The following RHOA variants were observed in gnomAD, a reference collection of about 807,000 sequenced individuals.
RHOA encodes transforming protein RhoA.
Under a neutral mutation model 17.5 loss-of-function variants are expected in RHOA, and 3 were observed. The observed-to-expected ratio is 0.17, with a 90% CI of 0.08 to 0.44. RHOA has a LOEUF of 0.44. RHOA is among the 20% of genes least tolerant of loss of function. RHOA has a pLI of 0.99. For missense variants in RHOA, 56 were observed against 242.3 expected (o/e 0.23, Z 5.10); for synonymous variants, 98 against 88.4 (o/e 1.11, Z -0.61).
chr3:49,408,834 C>T (rs946701350), intron 1 of RHOA, among the ~76,000 whole-genome samples: 7 of 151,442 alleles, frequency 4.6e-5, no homozygotes, highest in African/African-American at 1.5e-4. Context: ...GCTCTGTTGC[C>T]CTGGCTGGAG....
chr3:49,371,390 C>T (rs2048145645), intron 2 of RHOA, among the ~76,000 whole-genome samples: 1 of 151,952 alleles, frequency 6.6e-6, no homozygotes, highest in Admixed American at 6.6e-5. Context: ...AGTGATTCTC[C>T]TGCCTCAGCC....
chr3:49,404,363 G>A (rs2048777103), intron 1 of RHOA, among the ~76,000 whole-genome samples: 1 of 149,104 alleles, frequency 6.7e-6, no homozygotes, highest in Admixed American at 6.8e-5. Context: ...GGGAAGCCAA[G>A]GCAGGTGGAT....
At chr3:49,366,618 A>G (rs1445858899) in intron 3 of RHOA, 1 of 152,092 alleles carries the variant, frequency 6.6e-6, no homozygotes, top group African/African-American at 2.4e-5. Flanking sequence ...CAATCAATCA[A>G]TCATAACTGC....
intron 1 of RHOA, among the ~76,000 whole-genome samples, chr3:49,393,368 G>A (rs988926212): frequency 4.0e-5 from 6 of 151,692 alleles, no homozygotes; most frequent in East Asian, 3.9e-4. Flanking sequence ...GTGCAGTGAC[G>A]TAATTATGGC....
chr3:49,381,138 C>T (rs985617928), intron 1 of RHOA, among the ~76,000 whole-genome samples: 1 of 151,998 alleles, frequency 6.6e-6, no homozygotes, highest in Non-Finnish European at 1.5e-5. Context: ...GGAGTAATGG[C>T]TCATGCCTGT....
chr3:49,368,704 TTTC>T (rs2048098644), intron 2 of RHOA, among the ~76,000 whole-genome samples, 156 bp from the exon 3 acceptor site: 3 of 150,696 alleles, frequency 2.0e-5, no homozygotes, highest in Middle Eastern at 3.2e-3. Flanking sequence ...TTTTTTCTTT[TTTC>T]TTTTTTTTTT....
intron 1 of RHOA, among the ~76,000 whole-genome samples, chr3:49,379,981 C>T (rs554648179): frequency 1.8e-4 from 27 of 152,338 alleles, no homozygotes; most frequent in African/African-American, 5.8e-4. Flanking sequence ...TCCCAATTCC[C>T]GCCCTTCCCT....
At chr3:49,410,950 C>G (rs2048922840) in intron 1 of RHOA, among the ~76,000 whole-genome samples, 1 of 152,202 alleles carries the variant, frequency 6.6e-6, no homozygotes, top group Non-Finnish European at 1.5e-5. Flanking sequence ...CCGTAAACTA[C>G]TAAACAAGGT....
intron 1 of RHOA, among the ~76,000 whole-genome samples, chr3:49,392,097 G>C (rs1376611152): frequency 2.0e-5 from 3 of 151,916 alleles, no homozygotes; most frequent in Middle Eastern, 6.8e-3. Context: ...CAAAGTGCTG[G>C]GATTACAGGC....
rs531246506 is a variant in RHOA, at chr3:49,359,770, C to G, written c.*439G>C. Reference sequence around the variant, plus strand: ...GAGCCCATTTTCAAAAAACTGCCCACCCCAGAGCTATGCCAACAAAATCTG... The same window carrying G: ...GAGCCCATTTTCAAAAAACTGCCCAGCCCAGAGCTATGCCAACAAAATCTG... On this transcript the variant is annotated 3_prime_UTR_variant, in exon 5 of 5. Transcript: ENST00000418115. 1 of 233,450 alleles carries G rather than the reference C, an allele frequency of 4.3e-6. No homozygotes were observed. The highest frequency in any genetic ancestry group is 2.2e-5 in the African/African-American group (1 of 45,146). 14.5% of individuals were successfully genotyped at this position (233,450 alleles called of 1,614,324 possible).
intron 1 of RHOA, among the ~76,000 whole-genome samples, chr3:49,399,959 G>T (rs1399580534): frequency 2.0e-5 from 3 of 151,954 alleles, no homozygotes; most frequent in African/African-American, 4.8e-5. Context: ...GGTGGCTCAC[G>T]CCTGTAATCC....
At chr3:49,387,681 T>C (rs904685455) in intron 1 of RHOA, among the ~76,000 whole-genome samples, 1 of 149,320 alleles carries the variant, frequency 6.7e-6, no homozygotes, top group Non-Finnish European at 1.5e-5. Flanking sequence ...GGAGCAGAGG[T>C]TGCAGTGAGA....
intron 1 of RHOA, among the ~76,000 whole-genome samples, chr3:49,386,352 G>A (rs1245733518): frequency 6.6e-6 from 1 of 152,098 alleles, no homozygotes; most frequent in Non-Finnish European, 1.5e-5. Context: ...TGTAGAAGAG[G>A]AAAAATATAA....
intron 1 of RHOA, among the ~76,000 whole-genome samples, chr3:49,410,838 CAG>C: frequency 6.6e-6 from 1 of 152,268 alleles, no homozygotes; most frequent in East Asian, 1.9e-4. Context: ...TTCTTCAAGA[CAG>C]AACCAAACAA....
In RHOA at chr3:49,399,590, T is replaced by C. The variant is rs532516051; in HGVS notation, c.-3+12230A>G. 7.3e-3 allele frequency among the ~76,000 whole-genome samples: 1,081 copies of C among 147,340 alleles called. 9 individuals carry two copies. Among genetic ancestry groups the C allele is most frequent in the African/African-American group, 0.025 (991 of 40,364 alleles). ...AGTACACAGGAGCTTTTTTTTTTTT[T>C]TCCCCCAGAAAGGGTCTTGCTTTGT... On this transcript the variant is annotated intron_variant, in intron 1 of 4. Transcript: ENST00000418115.
chr3:49,360,710 C>T (rs1222212415), intron 4 of RHOA, among the ~76,000 whole-genome samples: 2 of 151,696 alleles, frequency 1.3e-5, no homozygotes, highest in African/African-American at 4.8e-5. Context: ...CTGCCCACCT[C>T]GGCCTCCCAA....
chr3:49,400,887 T>C (rs2048711782), intron 1 of RHOA, among the ~76,000 whole-genome samples: 1 of 150,544 alleles, frequency 6.6e-6, no homozygotes, highest in South Asian at 2.1e-4. Context: ...CTACTAAAAA[T>C]ACAAAAAAAT....
At chr3:49,361,022 C>G (rs746529800) in intron 4 of RHOA, 5 of 202,348 alleles carry the variant, frequency 2.5e-5, no homozygotes, top group South Asian at 2.3e-4. Flanking sequence ...GCAGTTGAGC[C>G]AAGATCGTGC....
At chr3:49,398,099 A>G (rs1286353962) in intron 1 of RHOA, among the ~76,000 whole-genome samples, 1 of 152,028 alleles carries the variant, frequency 6.6e-6, no homozygotes, top group African/African-American at 2.4e-5. Context: ...GGTGGCTCAC[A>G]CCTATAGTCC....
Sources: allele counts gnomAD v4.1 joint callset (sites outside exome capture counted in the v4.1 genomes callset), GRCh38; gene constraint gnomAD v4.1.1; transcripts MANE v1.5; gene names NCBI Gene and HGNC (gene_info 2026-07-23, HGNC 2026-07-21).